Variants in SUPT3H observed in about 807,000 individuals in gnomAD.
The protein encoded by SUPT3H is transcription initiation protein SPT3 homolog.
In SUPT3H, 44 loss-of-function variants were observed where a neutral mutation model predicts 44.3. The ratio of observed to expected loss-of-function variants is 0.99; its 90% CI spans 0.78 to 1.28. SUPT3H has a LOEUF of 1.28. Ranked by LOEUF, SUPT3H falls within the 50% of genes most tolerant of loss-of-function variation. The pLI is 0.00. For synonymous variants in SUPT3H, 124 were observed against 125.6 expected, an observed-to-expected ratio of 0.99 and a Z score of 0.09; for missense variants, 380 against 387.1, an observed-to-expected ratio of 0.98 and a Z score of 0.15.
intron 2 of SUPT3H, among the ~76,000 whole-genome samples, chr6:45,170,774 C>T (rs1043099453): frequency 1.3e-5 from 2 of 152,112 alleles, no homozygotes; most frequent in African/African-American, 4.8e-5. Flanking sequence ...TAGGTCCTAA[C>T]GTTTCTCCAC....
intron 2 of SUPT3H, among the ~76,000 whole-genome samples, chr6:45,179,092 T>G (rs1277350379): frequency 6.6e-6 from 1 of 152,056 alleles, no homozygotes; most frequent in East Asian, 1.9e-4. Flanking sequence ...CAGAGAATAC[T>G]ACAAACACCT....
At position 44,928,905 on chromosome 6, in the gene SUPT3H, G is replaced by GA. The variant is rs1210373765; in HGVS notation, c.912+3747dup. 2.2e-3 allele frequency among the ~76,000 whole-genome samples: 139 copies of GA among 62,884 alleles called. 1 individual carries two copies. Among genetic ancestry groups the GA allele is most frequent in the Middle Eastern group, 0.022 (2 of 92 alleles). 41.3% of individuals were successfully genotyped at this position (62,884 alleles called of 152,430 possible). A position where few individuals can be genotyped will look rare whatever the true frequency, so the allele number is the denominator to read the frequency against. ...CTCAAAAAAAAAAAAAAAAAAAAAA[G>GA]AAAAGAAAAGAAACAAATCACCAAT... On this transcript the variant is annotated intron_variant, in intron 10 of 10. Coordinates refer to ENST00000371459, the MANE Select transcript of SUPT3H (RefSeq NM_003599.4).
intron 2 of SUPT3H, among the ~76,000 whole-genome samples, chr6:45,164,146 G>A (rs1344120628): frequency 1.3e-5 from 2 of 152,084 alleles, no homozygotes; most frequent in African/African-American, 4.8e-5. Context: ...ACAGAGCTGT[G>A]GGGGGCAGTG....
At chr6:44,928,756 G>A (rs1343505458) in intron 10 of SUPT3H, among the ~76,000 whole-genome samples, 2 of 150,514 alleles carry the variant, frequency 1.3e-5, no homozygotes, top group African/African-American at 4.9e-5. Context: ...AGTGGCGGGC[G>A]CCTGTAGTCC....
chr6:45,139,319 G>A (rs955038236), intron 2 of SUPT3H, among the ~76,000 whole-genome samples: 1 of 152,218 alleles, frequency 6.6e-6, no homozygotes, highest in South Asian at 2.1e-4. Context: ...TTCTGGTGAC[G>A]CATCAGGTCA....
At chr6:45,134,325 C>T (rs931144319) in intron 2 of SUPT3H, among the ~76,000 whole-genome samples, 7 of 152,192 alleles carry the variant, frequency 4.6e-5, no homozygotes, top group Non-Finnish European at 7.3e-5. Context: ...TCTTATTAGG[C>T]TCAACCTCGC....
At chr6:45,111,030 A>G (rs540408360) in intron 2 of SUPT3H, among the ~76,000 whole-genome samples, 24 of 136,260 alleles carry the variant, frequency 1.8e-4, no homozygotes, top group Admixed American at 3.1e-4. Context: ...AAAACAAACG[A>G]TACTTTTTTT....
intron 2 of SUPT3H, among the ~76,000 whole-genome samples, chr6:45,148,199 ATTCC>A (rs1269603832): frequency 6.6e-6 from 1 of 152,122 alleles, no homozygotes; most frequent in Non-Finnish European, 1.5e-5. Flanking sequence ...GTTATAGAAA[ATTCC>A]TTCCTTTTTA....
intron 2 of SUPT3H, among the ~76,000 whole-genome samples, chr6:45,250,461 TC>T (rs1343761985): frequency 6.6e-6 from 1 of 151,788 alleles, no homozygotes; most frequent in Non-Finnish European, 1.5e-5. Flanking sequence ...GTTAAAATTT[TC>T]CAGATAAAGT....
intron 2 of SUPT3H, among the ~76,000 whole-genome samples, chr6:45,311,909 G>A (rs1484296996): frequency 2.0e-5 from 3 of 151,688 alleles, no homozygotes; most frequent in Admixed American, 1.3e-4. Flanking sequence ...AAGTTAAAAA[G>A]CAAAAACAAA....
intron 3 of SUPT3H, among the ~76,000 whole-genome samples, chr6:45,056,916 T>A (rs576940764): frequency 6.6e-6 from 1 of 151,566 alleles, no homozygotes; most frequent in African/African-American, 2.4e-5. Context: ...AGAGAAAAAA[T>A]CTACAGCCCA....
At chr6:44,840,455 GAAGAA>G (rs1770761224) in intron 10 of SUPT3H, among the ~76,000 whole-genome samples, 3 of 152,174 alleles carry the variant, frequency 2.0e-5, no homozygotes, top group Non-Finnish European at 4.4e-5. Flanking sequence ...GTAGCTGCCA[GAAGAA>G]AAGATGGGAG....
intron 3 of SUPT3H, among the ~76,000 whole-genome samples, chr6:45,040,286 G>C (rs1194734707): frequency 6.6e-6 from 1 of 152,142 alleles, no homozygotes; most frequent in East Asian, 1.9e-4. Flanking sequence ...CTGACCCCTG[G>C]TCTACTGTAG....
At chr6:45,022,200 A>C (rs369782660) in intron 3 of SUPT3H, among the ~76,000 whole-genome samples, 1 of 152,054 alleles carries the variant, frequency 6.6e-6, no homozygotes, top group East Asian at 1.9e-4. Context: ...GAAAAACACT[A>C]TACAGACACA....
intron 3 of SUPT3H, among the ~76,000 whole-genome samples, chr6:45,102,411 A>G (rs1368189840): frequency 6.6e-6 from 1 of 152,152 alleles, no homozygotes; most frequent in Middle Eastern, 3.2e-3. Flanking sequence ...AATATGGGGG[A>G]GAAAACATTT....
At chr6:45,187,409 C>T (rs565525047) in intron 2 of SUPT3H, among the ~76,000 whole-genome samples, 1 of 103,030 alleles carries the variant, frequency 9.7e-6, no homozygotes, top group South Asian at 3.1e-4. Context: ...GGGCAAAACT[C>T]CGTTTCAAAA....
At chr6:44,941,063 T>C (rs9472407) in intron 9 of SUPT3H, among the ~76,000 whole-genome samples, 71,127 of 151,870 alleles carry the variant, frequency 0.47, 16,957 homozygotes, top group Admixed American at 0.55. Flanking sequence ...ATTTATGTCA[T>C]GGTTAATATT....
chr6:45,169,550 T>A (rs189488069), intron 2 of SUPT3H, among the ~76,000 whole-genome samples: 5 of 152,256 alleles, frequency 3.3e-5, no homozygotes, highest in East Asian at 1.9e-4. Context: ...ATAAAAAAAA[T>A]GTTTTTATAT....
intron 2 of SUPT3H, among the ~76,000 whole-genome samples, chr6:45,286,590 C>T (rs1252786538): frequency 1.3e-5 from 2 of 152,114 alleles, no homozygotes; most frequent in Non-Finnish European, 2.9e-5. Context: ...ACTGAGGAAA[C>T]AACAGGTGCT....
Sources: allele counts gnomAD v4.1 joint callset (sites outside exome capture counted in the v4.1 genomes callset), GRCh38; gene constraint gnomAD v4.1.1; transcripts MANE v1.5; gene names NCBI Gene and HGNC (gene_info 2026-07-23, HGNC 2026-07-21).